RAB44: variants seen among roughly 807,000 people sequenced by gnomAD.
The protein encoded by RAB44 is ras-related protein Rab-44.
RAB44 carries 67 observed loss-of-function variants against 93.3 expected under a neutral mutation model. The ratio of observed to expected loss-of-function variants is 0.72; its 90% CI spans 0.59 to 0.88. RAB44 has a LOEUF of 0.88. RAB44 is among the 40% of genes least tolerant of loss of function. The pLI is 0.00. For synonymous variants in RAB44, 427 were observed against 520.3 expected (o/e 0.82, Z 2.44); for missense variants, 1,064 against 1,261.7 (o/e 0.84, Z 2.37).
At chr6:36,720,598 G>A in intron 8 of RAB44, 48 bp downstream of exon 8, 4 of 1,207,394 alleles carry the variant, frequency 3.3e-6, no homozygotes, top group Non-Finnish European at 4.1e-6. Context: ...AGGGCCTCCT[G>A]GAACCAGTGG....
rs536632160 is a variant in RAB44 at position 36,715,774 on chromosome 6, G to T, written c.494+121G>T. 2.9e-6 allele frequency: 3 copies of T among 1,019,228 alleles called. No individual in the cohort carries two copies. In the East Asian group the frequency reaches 7.9e-5, roughly 27 times the overall value. 63.1% of individuals were successfully genotyped at this position (1,019,228 alleles called of 1,614,324 possible). On this transcript the variant is annotated intron_variant, in intron 4 of 13. Coordinates refer to ENST00000612677, the MANE Select transcript of RAB44 (RefSeq NM_001257357.2). ...CAGGTAGAGCCAAGTGCAAATTCTG[G>T]CTTGGCCATTGGCTAGCTGTGTGAC...
chr6:36,732,976 C>A lies in RAB44; in HGVS notation c.*883C>A, dbSNP rs1197051303. 1 of 152,234 alleles carries A rather than the reference C, an allele frequency of 6.6e-6. No individual in the cohort carries two copies. Among genetic ancestry groups the A allele is most frequent in the Non-Finnish European group, 1.5e-5 (1 of 68,054 alleles). The allele number at this position is 152,234 out of a possible 1,614,324, so 9.4% of individuals were successfully genotyped here. On this transcript the variant is annotated 3_prime_UTR_variant, in exon 14 of 14. Coordinates refer to ENST00000612677, the MANE Select transcript of RAB44 (RefSeq NM_001257357.2). ...GAGCCGAGACTCAGAATCATTCACACACTTCTATTTGGAGCTTTTGTGGAA... is the reference window on the plus strand; with the variant it reads ...GAGCCGAGACTCAGAATCATTCACAAACTTCTATTTGGAGCTTTTGTGGAA...
chr6:36,701,836 G>A (rs1227826496), intron 1 of RAB44, among the ~76,000 whole-genome samples: 1 of 112,038 alleles, frequency 8.9e-6, no homozygotes, highest in Non-Finnish European at 1.9e-5. Flanking sequence ...AGCCAAGGGG[G>A]TGCATGGGGA....
rs985064900 is a variant in RAB44 at position 36,713,731 on chromosome 6, G to T, written c.208-97G>T. On this transcript the variant is annotated intron_variant, in intron 2 of 13. Coordinates refer to ENST00000612677, the MANE Select transcript of RAB44 (RefSeq NM_001257357.2). ...GGAGGGACTCTGACATTGGGGTGAG[G>T]TGAGGTAGGGGTGGCTGAAGACAAA... 1.3e-5 allele frequency: 10 copies of T among 745,158 alleles called. No homozygotes were observed. The African/African-American group carries it at 1.6e-4, about 12-fold the overall frequency. 46.2% of individuals were successfully genotyped at this position (745,158 alleles called of 1,614,324 possible).
rs369221752 is a variant in RAB44 at position 36,702,186 on chromosome 6, G to C, written c.-12-2038G>C. Among the ~76,000 whole-genome samples the C allele has an allele frequency of 9.1e-4, 139 of 152,134 alleles. 2 individuals carry two copies. The highest frequency in any genetic ancestry group is 3.3e-3 in the African/African-American group (136 of 41,500). ...GATGCCAAGCTGCTGGGATAGGAAG[G>C]GGTGTGCACAGTCAGCCCTCACAAG... On this transcript the variant is annotated intron_variant, in intron 1 of 13. Transcript: ENST00000612677.
At chr6:36,709,231 A>G (rs964586031) in intron 2 of RAB44, among the ~76,000 whole-genome samples, 2 of 152,022 alleles carry the variant, frequency 1.3e-5, no homozygotes, top group African/African-American at 4.8e-5. Flanking sequence ...GATTACAGGC[A>G]TGAGCCACTG....
At chr6:36,707,288 C>T (rs1449038567) in intron 2 of RAB44, among the ~76,000 whole-genome samples, 1 of 150,814 alleles carries the variant, frequency 6.6e-6, no homozygotes, top group Non-Finnish European at 1.5e-5. Context: ...ACGTGGGAGG[C>T]GGAGGCTGCA....
At chr6:36,710,362 G>A (rs1451951882) in intron 2 of RAB44, among the ~76,000 whole-genome samples, 5 of 152,140 alleles carry the variant, frequency 3.3e-5, no homozygotes, top group South Asian at 2.1e-4. Flanking sequence ...TATCTGTATC[G>A]TAGCATGTGT....
intron 10 of RAB44, 65 bp downstream of exon 10, chr6:36,726,008 G>A: frequency 2.3e-6 from 3 of 1,282,490 alleles, no homozygotes; most frequent in South Asian, 1.3e-5. Context: ...AGAGGGACAG[G>A]GAGCAGCCCT....
In RAB44 at chr6:36,697,896, C is replaced by G. The variant is rs532489070; in HGVS notation, c.-32C>G. On this transcript the variant is annotated 5_prime_UTR_variant, in exon 1 of 14. Transcript: ENST00000612677. ...GTCCCAGAGCCCAGGGCTGTGTGTT[C>G]CACTGGGAGCCTTTGAGAGGTAGGA... The G allele has an allele frequency of 6.6e-5, 10 of 152,454 alleles. No homozygotes were observed. Among genetic ancestry groups the G allele is most frequent in the African/African-American group, 2.4e-4 (10 of 41,576 alleles). The allele number at this position is 152,454 out of a possible 1,614,324, so 9.4% of individuals were successfully genotyped here.
At position 36,721,849 on chromosome 6, in the gene RAB44, C is replaced by A. The variant is rs2150337752; in HGVS notation, c.1715C>A (p.Thr572Asn). 9 of 1,235,008 alleles carry A rather than the reference C, an allele frequency of 7.3e-6. No homozygotes were observed. The East Asian group carries it at 9.5e-5, about 13-fold the overall frequency. The allele number at this position is 1,235,008 out of a possible 1,614,324, so 76.5% of individuals were successfully genotyped here. ...RETQPGPSPT[T>N]ALTGVGPAKP... The stretch of plus-strand genomic sequence containing the variant: ...ACCCAGCCCGGACCCTCACCCACAA[C>A]TGCCCTCACAGGAGTGGGCCCAGCC... Residue 572 changes from threonine to asparagine, a missense_variant, in exon 9 of 14, where the codon ACT becomes AAT. Transcript: ENST00000612677.
intron 10 of RAB44, among the ~76,000 whole-genome samples, chr6:36,726,533 G>A (rs968177830): frequency 3.3e-5 from 5 of 152,116 alleles, no homozygotes; most frequent in Non-Finnish European, 7.4e-5. Flanking sequence ...ATGAGCCACG[G>A]CACCTGGCAG....
Position 36,717,964 on chromosome 6 carries a change from C to A in RAB44, c.642-64C>A. The stretch of plus-strand genomic sequence containing the variant: ...TTCCAAACCCAAGCCCAGACTGCCC[C>A]TGCCAGCAGCAGGCTCCCAGAGGTG... On this transcript the variant is annotated intron_variant, in intron 5 of 13. Transcript: ENST00000612677. The surrounding 1 kb of genome is among the most constrained non-coding windows in gnomAD (Gnocchi z 4.1). 1.9e-6 allele frequency: 2 copies of A among 1,063,316 alleles called. No individual in the cohort carries two copies. Among genetic ancestry groups the A allele is most frequent in the Non-Finnish European group, 1.2e-6 (1 of 834,138 alleles). 65.9% of individuals were successfully genotyped at this position (1,063,316 alleles called of 1,614,324 possible).
intron 7 of RAB44, among the ~76,000 whole-genome samples, chr6:36,718,877 T>A (rs1256810043): frequency 6.6e-6 from 1 of 151,646 alleles, no homozygotes; most frequent in Non-Finnish European, 1.5e-5. Context: ...CAGGTGGCAC[T>A]GTGGTTGAGT....
intron 13 of RAB44, 24 bp downstream of exon 13, chr6:36,730,773 GC>G: frequency 1.3e-6 from 1 of 749,138 alleles, no homozygotes; most frequent in Non-Finnish European, 1.6e-6. Context: ...GCCCCCCGCC[GC>G]CCCCACCCCC....
chr6:36,712,960 A>G (rs1011393463), intron 2 of RAB44, among the ~76,000 whole-genome samples: 1 of 152,218 alleles, frequency 6.6e-6, no homozygotes, highest in Non-Finnish European at 1.5e-5. Context: ...AGCAAACTCA[A>G]AGTTCTATTA....
chr6:36,725,244 C>T (rs1268147744), intron 9 of RAB44, among the ~76,000 whole-genome samples: 4 of 152,166 alleles, frequency 2.6e-5, no homozygotes, highest in Non-Finnish European at 4.4e-5. Context: ...TGCGCGATCT[C>T]GGCTCATTGT....
In RAB44 at chr6:36,718,544, G is replaced by T; in HGVS notation, c.784G>T (p.Ala262Ser). Residue 262 changes from alanine to serine, a missense_variant, in exon 7 of 14, where the codon GCC becomes TCC. Ala to Ser is a moderately conservative substitution (Grantham distance 99, BLOSUM62 1). Transcript: ENST00000612677. ...LTSQMQDVLE[A>S]KEREVQRLAE... ...CTCCCAGATGCAGGACGTCCTAGAG[G>T]CCAAGGAGCGCGAGGTGCAGCGACT... 3 of 1,234,246 alleles carry T rather than the reference G, an allele frequency of 2.4e-6. No individual in the cohort carries two copies. The highest frequency in any genetic ancestry group is 3.0e-6 in the Non-Finnish European group (3 of 988,180). 76.5% of individuals were successfully genotyped at this position (1,234,246 alleles called of 1,614,324 possible).
intron 10 of RAB44, 106 bp downstream of exon 10, chr6:36,726,049 A>G (rs1763231597): frequency 2.3e-6 from 2 of 855,210 alleles, no homozygotes; most frequent in Non-Finnish European, 3.8e-6. Flanking sequence ...ACTGCCCCCC[A>G]AGGATTCAGG....
Sources: allele counts gnomAD v4.1 joint callset (sites outside exome capture counted in the v4.1 genomes callset), GRCh38; gene constraint gnomAD v4.1.1; non-coding constraint Gnocchi (gnomAD v3.1); transcripts MANE v1.5; gene names NCBI Gene and HGNC (gene_info 2026-07-23, HGNC 2026-07-21).